The following AOX1 variants were observed in gnomAD, a reference collection of about 807,000 sequenced individuals.
AOX1 encodes the protein aldehyde oxidase 1, also known as aldehyde oxidase.
Under a neutral mutation model 169.5 loss-of-function variants are expected in AOX1, and 153 were observed. The observed-to-expected ratio is 0.90, with a 90% CI of 0.79 to 1.03. The LOEUF is 1.03. Ranked by LOEUF, AOX1 falls within the 50% of genes least tolerant of loss-of-function variation. The pLI, the probability that AOX1 is intolerant of heterozygous loss-of-function variation, is 0.00. For synonymous variants in AOX1, 562 were observed against 581.9 expected (o/e 0.97, Z 0.49); for missense variants, 1,656 against 1,663.9 (o/e 1.00, Z 0.08).
At chr2:200,598,571 T>C (rs1016225872) in intron 4 of AOX1, among the ~76,000 whole-genome samples, 1 of 152,012 alleles carries the variant, frequency 6.6e-6, no homozygotes, top group Non-Finnish European at 1.5e-5. Flanking sequence ...AGTGAAACCC[T>C]GTCTCTACTA....
At position 200,602,302 on chromosome 2, in the gene AOX1, C is replaced by T; in HGVS notation, c.455C>T (p.Thr152Ile). 2 of 1,613,840 alleles carry T rather than the reference C, an allele frequency of 1.2e-6. No individual in the cohort carries two copies. Among genetic ancestry groups the T allele is most frequent in the South Asian group, 2.2e-5 (2 of 91,020 alleles). Residue 152 changes from threonine to isoleucine, a missense_variant, in exon 6 of 35, where the codon ACT becomes ATT. Transcript: ENST00000374700. ...CCTTCAGGTAACCTGTGCCGTTGCACTGGATACAGGCCCATAATTGATGCA... is the reference window on the plus strand; with the variant it reads ...CCTTCAGGTAACCTGTGCCGTTGCATTGGATACAGGCCCATAATTGATGCA... ...DALGGNLCRC[T>I]GYRPIIDACK... is the part of the protein sequence containing the mutation.
Position 200,592,923 on chromosome 2 carries a change from C to T in AOX1, c.46-223C>T, listed in dbSNP as rs866975782. Among the ~76,000 whole-genome samples the T allele has an allele frequency of 3.9e-5, 6 of 152,082 alleles. No individual in the cohort carries two copies. The South Asian group carries it at 6.2e-4, about 16-fold the overall frequency. On this transcript the variant is annotated intron_variant, in intron 1 of 34. Coordinates refer to ENST00000374700, the MANE Select transcript of AOX1 (RefSeq NM_001159.4). ...AAACAACAATTGCCTTAGAGAACAG[C>T]GATAATTCAGGACCAAGGACAGGAG... is the stretch of plus-strand genomic sequence containing the variant.
At chr2:200,593,289 AT>A in intron 2 of AOX1, 86 bp downstream of exon 2, 1 of 1,102,710 alleles carries the variant, frequency 9.1e-7, no homozygotes, top group Non-Finnish European at 1.4e-6. Context: ...TCAAATATAC[AT>A]TAGAGACACT....
chr2:200,658,148 A>C (rs773912300), intron 27 of AOX1, among the ~76,000 whole-genome samples: 9 of 152,234 alleles, frequency 5.9e-5, no homozygotes, highest in Non-Finnish European at 1.2e-4. Flanking sequence ...TGGGAATAGA[A>C]TTACTGGGTC....
chr2:200,589,205 C>A (rs750118222), intron 1 of AOX1, among the ~76,000 whole-genome samples: 17 of 152,158 alleles, frequency 1.1e-4, no homozygotes, highest in Middle Eastern at 3.2e-3. Flanking sequence ...CATCTGGAGG[C>A]AAGGACAGCG....
intron 13 of AOX1, among the ~76,000 whole-genome samples, chr2:200,612,284 T>C (rs1012684983): frequency 1.3e-5 from 2 of 152,070 alleles, no homozygotes; most frequent in East Asian, 1.9e-4. Flanking sequence ...ATCTGTAAAA[T>C]GGGAATAATC....
chr2:200,643,384 T>C lies in AOX1; in HGVS notation c.2847+583T>C, dbSNP rs10192320. On this transcript the variant is annotated intron_variant, in intron 25 of 34. Coordinates refer to ENST00000374700, the MANE Select transcript of AOX1 (RefSeq NM_001159.4). ...GCACACATATATATGTGTATATATA[T>C]ATACACACACACACATATATATATA... Among the ~76,000 whole-genome samples the C allele has an allele frequency of 9.4e-4, 122 of 129,578 alleles. 1 individual carries two copies. In the East Asian group the frequency reaches 0.04, roughly 42 times the overall value. 85.0% of individuals were successfully genotyped at this position (129,578 alleles called of 152,430 possible).
intron 29 of AOX1, 64 bp downstream of exon 29, chr2:200,660,133 C>T: frequency 1.5e-6 from 2 of 1,318,224 alleles, no homozygotes; most frequent in South Asian, 2.4e-5. Context: ...AGAGCAAGAG[C>T]AATGTGCATT....
chr2:200,619,748 C>T (rs1026867916), intron 16 of AOX1, among the ~76,000 whole-genome samples: 7 of 152,298 alleles, frequency 4.6e-5, no homozygotes, highest in African/African-American at 1.7e-4. Flanking sequence ...GATCATTACT[C>T]CAATTGCAGG....
intron 20 of AOX1, 70 bp downstream of exon 20, chr2:200,627,519 C>A: frequency 1.7e-6 from 2 of 1,157,724 alleles, no homozygotes; most frequent in Non-Finnish European, 2.6e-6. Flanking sequence ...CTTCCTTTGT[C>A]TTCTGGAAAT....
At chr2:200,600,194 G>C (rs2034379837) in intron 5 of AOX1, among the ~76,000 whole-genome samples, 1 of 152,172 alleles carries the variant, frequency 6.6e-6, no homozygotes. Context: ...GCATTTGGCT[G>C]ATGTATTTCT....
intron 20 of AOX1, among the ~76,000 whole-genome samples, chr2:200,631,170 G>A (rs1349384918): frequency 1.3e-5 from 2 of 152,078 alleles, no homozygotes; most frequent in South Asian, 2.1e-4. Context: ...ATCTAATCCC[G>A]GTGTCACAGC....
chr2:200,669,503 A>G, intron 33 of AOX1, 72 bp from the exon 34 acceptor site: 1 of 1,486,580 alleles, frequency 6.7e-7, no homozygotes. Context: ...ATATGCACAT[A>G]TGCTATAAAT....
At position 200,586,139 on chromosome 2, in the gene AOX1, G is replaced by A; in HGVS notation, c.31G>A (p.Val11Met). The A allele has an allele frequency of 6.4e-7, 1 of 1,565,732 alleles. No homozygotes were observed. The highest frequency in any genetic ancestry group is 8.6e-7 in the Non-Finnish European group (1 of 1,156,456). Residue 11 changes from valine to methionine, a missense_variant, in exon 1 of 35, where the codon GTG (valine) becomes ATG (methionine). Coordinates refer to ENST00000374700, the MANE Select transcript of AOX1 (RefSeq NM_001159.4). MDRASELLFY[V>M]NGRKVIEKNV... ...CCGGGCGTCCGAGCTGCTCTTCTACGTGAACGGCCGCAAGGTGAGCGCCCG... is the reference window on the plus strand; with the variant it reads ...CCGGGCGTCCGAGCTGCTCTTCTACATGAACGGCCGCAAGGTGAGCGCCCG...
At chr2:200,603,862 G>A (rs1203980077) in intron 7 of AOX1, among the ~76,000 whole-genome samples, 155 bp from the exon 8 acceptor site, 2 of 152,204 alleles carry the variant, frequency 1.3e-5, no homozygotes, top group Non-Finnish European at 2.9e-5. Context: ...GTTTGTGTTA[G>A]AGCCCTTGGT....
chr2:200,604,038 G>A lies in AOX1; in HGVS notation c.610G>A (p.Glu204Lys). 6.2e-7 allele frequency: 1 copy of A among 1,613,096 alleles called. No individual in the cohort carries two copies. The highest frequency in any genetic ancestry group is 8.5e-7 in the Non-Finnish European group (1 of 1,179,084). ...GSKTSPKLFA[E>K]EEFLPLDPTQ... ...TTAGACAAGTCCAAAACTCTTCGCAGAAGAGGAGTTTCTGCCATTGGATCC... is the reference window on the plus strand; with the variant it reads ...TTAGACAAGTCCAAAACTCTTCGCAAAAGAGGAGTTTCTGCCATTGGATCC... Residue 204 changes from glutamate (E) to lysine (K), a missense_variant, in exon 8 of 35, where the codon GAA becomes AAA. By Grantham distance (56) the Glu-to-Lys change is moderately conservative (BLOSUM62 1). Transcript: ENST00000374700.
chr2:200,655,428 G>T (rs1326154034), intron 26 of AOX1, among the ~76,000 whole-genome samples: 1 of 152,134 alleles, frequency 6.6e-6, no homozygotes, highest in African/African-American at 2.4e-5. Flanking sequence ...AGGAGCAAAA[G>T]ATGGTGTTTC....
intron 25 of AOX1, among the ~76,000 whole-genome samples, chr2:200,649,218 C>T (rs1387677427): frequency 6.6e-6 from 1 of 151,942 alleles, no homozygotes; most frequent in East Asian, 1.9e-4. Flanking sequence ...ACCATGGATC[C>T]CTGTGTTGTT....
Position 200,586,118 on chromosome 2 carries a change from G to C in AOX1, c.10G>C (p.Ala4Pro), listed in dbSNP as rs769152037. The C allele has an allele frequency of 9.6e-6, 15 of 1,562,420 alleles. No individual in the cohort carries two copies. Among genetic ancestry groups the C allele is most frequent in the Middle Eastern group, 2.3e-4 (1 of 4,442 alleles). Residue 4 changes from alanine (A) to proline (P), a missense_variant, in exon 1 of 35, where the codon GCG becomes CCG. Transcript: ENST00000374700. ...CAGCGCGGACACCACAATGGACCGG[G>C]CGTCCGAGCTGCTCTTCTACGTGAA... Reference protein sequence around the residue: MDRASELLFYVNGR... With the variant: MDRPSELLFYVNGR...
Sources: allele counts gnomAD v4.1 joint callset (sites outside exome capture counted in the v4.1 genomes callset), GRCh38; gene constraint gnomAD v4.1.1; transcripts MANE v1.5; gene names NCBI Gene and HGNC (gene_info 2026-07-23, HGNC 2026-07-21).